TMEM123: variants seen among roughly 807,000 people sequenced by gnomAD.
TMEM123 encodes the protein porimin.
Under a neutral mutation model 19.7 loss-of-function variants are expected in TMEM123, and 16 were observed. That is an observed-to-expected ratio of 0.81 (90% CI 0.55 to 1.23). The LOEUF is 1.23. Ranked by LOEUF, TMEM123 falls within the 50% of genes most tolerant of loss-of-function variation. The probability of loss-of-function intolerance (pLI) is 0.00; values close to 1 mark genes in which losing one functional copy is unlikely to be tolerated. For synonymous variants in TMEM123, 118 were observed against 99.4 expected, an observed-to-expected ratio of 1.19 and a Z score of -1.12; for missense variants, 313 against 257.8, an observed-to-expected ratio of 1.21 and a Z score of -1.47.
At chr11:102,432,170 AACAGTTTG>A (rs1804277485) in intron 2 of TMEM123, among the ~76,000 whole-genome samples, 1 of 152,242 alleles carries the variant, frequency 6.6e-6, no homozygotes, top group Non-Finnish European at 1.5e-5. Flanking sequence ...CAGAGGTTTA[AACAGTTTG>A]GAGGACTTAG....
chr11:102,401,777 TAAG>T (rs1951915460), intron 3 of TMEM123, 85 bp from the exon 4 acceptor site: 1 of 1,498,802 alleles, frequency 6.7e-7, no homozygotes, highest in Non-Finnish European at 8.9e-7. Flanking sequence ...TTTTCTGTGT[TAAG>T]AACATTTAAT....
intron 2 of TMEM123, among the ~76,000 whole-genome samples, chr11:102,417,516 A>C (rs771523054): frequency 2.6e-5 from 4 of 152,234 alleles, no homozygotes; most frequent in Non-Finnish European, 4.4e-5. Flanking sequence ...GATATAACAC[A>C]AATAGAAAAC....
chr11:102,425,576 C>CT (rs1449259388), intron 2 of TMEM123, among the ~76,000 whole-genome samples: 20 of 126,324 alleles, frequency 1.6e-4, no homozygotes, highest in South Asian at 2.6e-4. Context: ...TTTTTTTTTT[C>CT]TTTTTTCTTT....
intron 2 of TMEM123, among the ~76,000 whole-genome samples, chr11:102,436,387 T>C (rs1460942560): frequency 6.6e-6 from 1 of 151,864 alleles, no homozygotes; most frequent in African/African-American, 2.4e-5. Flanking sequence ...GGTATCAAAC[T>C]CCTGACCTCA....
chr11:102,434,962 G>A (rs1039362473), intron 2 of TMEM123, among the ~76,000 whole-genome samples: 39 of 151,814 alleles, frequency 2.6e-4, no homozygotes, highest in Admixed American at 2.6e-3. Context: ...AACATATTGT[G>A]AGCTATAGTC....
rs374149824 is a variant in TMEM123, at chr11:102,451,946, G to A, written c.100+578C>T. Among the ~76,000 whole-genome samples, 48 of 152,334 alleles carry A rather than the reference G, an allele frequency of 3.2e-4. No individual in the cohort carries two copies. In the South Asian group the frequency reaches 9.5e-3, roughly 30 times the overall value. ...TGGGGGCGGCCGCCTCAACTACCGC[G>A]AGGGCGGGGCGCGCTCCCCAAAAGC... On this transcript the variant is annotated intron_variant, in intron 1 of 4. Transcript: ENST00000398136.
At chr11:102,427,964 C>A (rs982657596) in intron 2 of TMEM123, among the ~76,000 whole-genome samples, 6 of 151,936 alleles carry the variant, frequency 3.9e-5, no homozygotes, top group Non-Finnish European at 7.4e-5. Flanking sequence ...TAAAAATTAT[C>A]ACAATAATCT....
At chr11:102,447,145 T>C (rs1591569016) in intron 2 of TMEM123, among the ~76,000 whole-genome samples, 1 of 152,182 alleles carries the variant, frequency 6.6e-6, no homozygotes, top group South Asian at 2.1e-4. Flanking sequence ...CTAGAAAAAT[T>C]TGAGGCAATG....
In TMEM123 at chr11:102,413,547, C is replaced by T. The variant is rs548970534; in HGVS notation, c.158-11341G>A. ...CTCCAGCACGGCAGGTGCTTAACTTCGAGGGGCCAGAAAACAAAGCTGTAG... is the reference window on the plus strand; with the variant it reads ...CTCCAGCACGGCAGGTGCTTAACTTTGAGGGGCCAGAAAACAAAGCTGTAG... On this transcript the variant is annotated intron_variant, in intron 2 of 4. Transcript: ENST00000398136. Among the ~76,000 whole-genome samples, 8 of 152,222 alleles carry T rather than the reference C, an allele frequency of 5.3e-5. No individual in the cohort carries two copies. In the South Asian group the frequency reaches 8.3e-4, roughly 16 times the overall value.
chr11:102,408,120 ACTT>A (rs1421153459), intron 2 of TMEM123, among the ~76,000 whole-genome samples: 4 of 152,026 alleles, frequency 2.6e-5, no homozygotes, highest in Non-Finnish European at 2.9e-5. Context: ...AGATATAAGA[ACTT>A]CTCTATTTAA....
chr11:102,409,317 T>A (rs976613685), intron 2 of TMEM123, among the ~76,000 whole-genome samples: 9 of 152,112 alleles, frequency 5.9e-5, no homozygotes, highest in Non-Finnish European at 1.3e-4. Flanking sequence ...ATTTAAGAAC[T>A]CTTATATGGG....
At chr11:102,452,031 T>C (rs948075537) in intron 1 of TMEM123, among the ~76,000 whole-genome samples, 3 of 152,180 alleles carry the variant, frequency 2.0e-5, no homozygotes, top group African/African-American at 7.2e-5. Flanking sequence ...ACCTAAAGAT[T>C]GTAATTCATC....
intron 2 of TMEM123, among the ~76,000 whole-genome samples, chr11:102,424,583 G>T (rs1190029755): frequency 6.6e-6 from 1 of 152,134 alleles, no homozygotes; most frequent in Non-Finnish European, 1.5e-5. Flanking sequence ...CAGCTAATTG[G>T]GATGCTGAGG....
At chr11:102,449,038 C>G (rs1857912063) in intron 1 of TMEM123, 170 bp from the exon 2 acceptor site, 1 of 614,990 alleles carries the variant, frequency 1.6e-6, no homozygotes, top group African/African-American at 1.9e-5. Flanking sequence ...TTGAAGCTGT[C>G]AGTAAAAGGG....
intron 2 of TMEM123, among the ~76,000 whole-genome samples, chr11:102,429,048 C>A (rs772438828): frequency 3.3e-5 from 5 of 152,150 alleles, no homozygotes; most frequent in Non-Finnish European, 7.3e-5. Context: ...CAATCAGCCT[C>A]TCGCAGGAGT....
intron 2 of TMEM123, among the ~76,000 whole-genome samples, chr11:102,423,456 C>A (rs908670614): frequency 6.6e-5 from 10 of 152,150 alleles, no homozygotes; most frequent in Non-Finnish European, 1.0e-4. Flanking sequence ...CTCAGGCAGC[C>A]CTATGGGGAA....
intron 4 of TMEM123, among the ~76,000 whole-genome samples, chr11:102,399,278 C>G (rs548619595): frequency 6.6e-6 from 1 of 152,142 alleles, no homozygotes; most frequent in South Asian, 2.1e-4. Flanking sequence ...ACTACCATCT[C>G]TATAAAACAT....
Position 102,426,858 on chromosome 11 carries a change from TTC to T in TMEM123, c.157+21952_157+21953del, listed in dbSNP as rs1491210931. Among the ~76,000 whole-genome samples the T allele has an allele frequency of 6.1e-3, 34 of 5,586 alleles. 3 individuals carry two copies. Among genetic ancestry groups the T allele is most frequent in the African/African-American group, 0.015 (33 of 2,206 alleles). 3.7% of individuals were successfully genotyped at this position (5,586 alleles called of 152,430 possible). A position where few individuals can be genotyped will look rare whatever the true frequency, so the allele number is the denominator to read the frequency against. ...TCATGGCTTAATGTTTTTAAAGTAG[TTC>T]CCCCCCCCCCCCCATTTATTGCTCA... On this transcript the variant is annotated intron_variant, in intron 2 of 4. Coordinates refer to ENST00000398136, the MANE Select transcript of TMEM123 (RefSeq NM_052932.3).
intron 2 of TMEM123, chr11:102,448,217 T>G (rs141810717): frequency 2.2e-6 from 1 of 456,112 alleles, no homozygotes; most frequent in African/African-American, 2.0e-5. Context: ...AACTTAAAAA[T>G]TGTTTACAAG....
Sources: gnomAD v4.1 joint callset for allele counts (sites outside exome capture counted in the v4.1 genomes callset) on GRCh38, gnomAD v4.1.1 for gene constraint, MANE v1.5 for transcripts, NCBI Gene and HGNC (gene_info 2026-07-23, HGNC 2026-07-21) for gene names.